PRKD1: variants seen among roughly 807,000 people sequenced by gnomAD.
The protein encoded by PRKD1 is serine/threonine-protein kinase D1.
In PRKD1, 63 loss-of-function variants were observed where a neutral mutation model predicts 95.9. The observed-to-expected ratio is 0.66, with a 90% CI of 0.54 to 0.81. PRKD1 has a LOEUF of 0.81. Among genes scored for constraint, PRKD1 ranks in the 30% least tolerant of loss-of-function variants. The pLI is 0.00. For synonymous variants in PRKD1, 425 were observed against 423.1 expected (o/e 1.00, Z -0.05); for missense variants, 1,048 against 1,165.3 (o/e 0.90, Z 1.47).
chr14:29,900,726 A>G (rs2139429198), intron 1 of PRKD1, among the ~76,000 whole-genome samples: 1 of 152,308 alleles, frequency 6.6e-6, no homozygotes, highest in East Asian at 1.9e-4. Context: ...CAAACATAAG[A>G]AAAAATGCTC....
chr14:29,580,258 T>C (rs1269167815), intron 16 of PRKD1, among the ~76,000 whole-genome samples: 1 of 152,148 alleles, frequency 6.6e-6, no homozygotes, highest in East Asian at 1.9e-4. Flanking sequence ...GAGGGGAAAC[T>C]AGAAGTGTCT....
chr14:29,803,054 G>T (rs1396927324), intron 1 of PRKD1, among the ~76,000 whole-genome samples: 1 of 152,192 alleles, frequency 6.6e-6, no homozygotes, highest in African/African-American at 2.4e-5. Context: ...CAGGTCAAAA[G>T]CCATGCAAGA....
At chr14:29,623,735 C>T (rs1356849947) in intron 13 of PRKD1, among the ~76,000 whole-genome samples, 1 of 152,134 alleles carries the variant, frequency 6.6e-6, no homozygotes, top group Non-Finnish European at 1.5e-5. Context: ...ATAAAATCAA[C>T]ATGATCTGCT....
intron 1 of PRKD1, among the ~76,000 whole-genome samples, chr14:29,862,131 G>T (rs965326094): frequency 2.0e-5 from 3 of 152,160 alleles, no homozygotes; most frequent in Admixed American, 1.3e-4. Context: ...GACATGTGAG[G>T]TTTATCTTTC....
intron 2 of PRKD1, among the ~76,000 whole-genome samples, chr14:29,682,006 T>C (rs2139270118): frequency 6.6e-6 from 1 of 152,298 alleles, no homozygotes; most frequent in Non-Finnish European, 1.5e-5. Context: ...ACATTTTCCC[T>C]AGCAAAAATG....
Position 29,706,980 on chromosome 14 carries a change from C to G in PRKD1, c.403+18556G>C, listed in dbSNP as rs532173169. 8.5e-5 allele frequency among the ~76,000 whole-genome samples: 13 copies of G among 152,056 alleles called. No individual in the cohort carries two copies. The East Asian group carries it at 1.2e-3, about 14-fold the overall frequency. On this transcript the variant is annotated intron_variant, in intron 2 of 17. Coordinates refer to ENST00000331968, the MANE Select transcript of PRKD1 (RefSeq NM_002742.3). The stretch of plus-strand genomic sequence containing the variant: ...CAAATAGTACAGGTTGAAGGACTAG[C>G]AGGTGTAAAAGGGAACTGGAAGCAA...
chr14:29,640,093 C>G (rs1046270954), intron 4 of PRKD1, among the ~76,000 whole-genome samples: 2 of 152,144 alleles, frequency 1.3e-5, no homozygotes, highest in African/African-American at 4.8e-5. Flanking sequence ...AGTTCCTACT[C>G]TAGAGCAATA....
chr14:29,685,682 G>GATGAGCA (rs1343672953), intron 2 of PRKD1, among the ~76,000 whole-genome samples: 1 of 152,064 alleles, frequency 6.6e-6, no homozygotes, highest in African/African-American at 2.4e-5. Context: ...ATTTTAGAAA[G>GATGAGCA]ATGAGCAATT....
intron 1 of PRKD1, among the ~76,000 whole-genome samples, chr14:29,788,936 G>C (rs190729319): frequency 2.5e-4 from 38 of 152,076 alleles, no homozygotes; most frequent in Admixed American, 2.5e-3. Flanking sequence ...ACTCAGGCTT[G>C]AGTGCAGTGG....
intron 13 of PRKD1, among the ~76,000 whole-genome samples, chr14:29,608,705 C>T (rs989533811): frequency 6.6e-6 from 1 of 152,132 alleles, no homozygotes; most frequent in African/African-American, 2.4e-5. Context: ...GGTGCTTCTA[C>T]TCTAAGGTCA....
chr14:29,628,206 T>A (rs1879751705), intron 11 of PRKD1, among the ~76,000 whole-genome samples: 1 of 152,250 alleles, frequency 6.6e-6, no homozygotes, highest in Admixed American at 6.5e-5. Context: ...GTTTACTTTA[T>A]GCCACTTTAA....
At chr14:29,642,740 T>TTAA (rs1880867699) in intron 4 of PRKD1, among the ~76,000 whole-genome samples, 1 of 152,168 alleles carries the variant, frequency 6.6e-6, no homozygotes, top group Non-Finnish European at 1.5e-5. Context: ...AAATAACACC[T>TTAA]TTCTTTAAAG....
intron 4 of PRKD1, among the ~76,000 whole-genome samples, chr14:29,652,299 C>A (rs1881559616): frequency 6.6e-6 from 1 of 152,082 alleles, no homozygotes; most frequent in Non-Finnish European, 1.5e-5. Context: ...TTTTTAAGAC[C>A]TATATATTAG....
chr14:29,922,572 T>C (rs1895156989), intron 1 of PRKD1, among the ~76,000 whole-genome samples: 3 of 152,104 alleles, frequency 2.0e-5, no homozygotes, highest in Non-Finnish European at 4.4e-5. Flanking sequence ...ATTATTAAAC[T>C]TGAAAAGAAA....
At chr14:29,898,766 T>TCCA (rs1894218543) in intron 1 of PRKD1, among the ~76,000 whole-genome samples, 1 of 152,208 alleles carries the variant, frequency 6.6e-6, no homozygotes, top group South Asian at 2.1e-4. Context: ...ATCAGCTGTG[T>TCCA]CCACAGATAC....
chr14:29,686,212 T>C (rs915394919), intron 2 of PRKD1, among the ~76,000 whole-genome samples: 1 of 152,156 alleles, frequency 6.6e-6, no homozygotes, highest in Non-Finnish European at 1.5e-5. Flanking sequence ...CTTGTATAAA[T>C]GGAGAGAGTG....
chr14:29,673,112 C>T, intron 2 of PRKD1, among the ~76,000 whole-genome samples: 1 of 152,162 alleles, frequency 6.6e-6, no homozygotes, highest in East Asian at 1.9e-4. Flanking sequence ...AGCAACGCCT[C>T]CTGCCAGGAA....
intron 2 of PRKD1, among the ~76,000 whole-genome samples, chr14:29,676,177 G>GTTTT (rs147308040): frequency 1.3e-4 from 14 of 104,752 alleles, no homozygotes; most frequent in African/African-American, 3.8e-4. Context: ...AGTTCATTAC[G>GTTTT]TTTTTGTTTT....
rs1313944586 is a variant in PRKD1 at position 29,597,588 on chromosome 14, G to A, written c.2337C>T (p.Gly779=). Reference sequence around the variant, plus strand: ...CTTCATCTTCATTAAATGGGAATGTGCCGCTTAGGCTTACATAGATGATGA... The same window carrying A: ...CTTCATCTTCATTAAATGGGAATGTACCGCTTAGGCTTACATAGATGATGA... ...VGVIIYVSLS[G]TFPFNEDEDI... Residue 779 remains glycine, a synonymous_variant, in exon 16 of 18, where the codon GGC becomes GGT. Coordinates refer to ENST00000331968, the MANE Select transcript of PRKD1 (RefSeq NM_002742.3). 5.6e-6 allele frequency: 9 copies of A among 1,613,908 alleles called. No individual in the cohort carries two copies. Among genetic ancestry groups the A allele is most frequent in the Admixed American group, 1.7e-5 (1 of 59,978 alleles).
Sources: gnomAD v4.1 joint callset for allele counts (sites outside exome capture counted in the v4.1 genomes callset) on GRCh38, gnomAD v4.1.1 for gene constraint, MANE v1.5 for transcripts, NCBI Gene and HGNC (gene_info 2026-07-23, HGNC 2026-07-21) for gene names.